CCDC148: variants seen among roughly 807,000 people sequenced by gnomAD.
CCDC148 encodes coiled-coil domain containing 148, also known as coiled-coil domain-containing protein 148.
A neutral mutation model predicts 85.7 loss-of-function variants in CCDC148; 89 were observed. The ratio of observed to expected loss-of-function variants is 1.04; its 90% CI spans 0.87 to 1.24. CCDC148 has a LOEUF of 1.24. Ranked by LOEUF, CCDC148 falls within the 50% of genes most tolerant of loss-of-function variation. The probability of loss-of-function intolerance (pLI) is 0.00; values close to 1 mark genes in which losing one functional copy is unlikely to be tolerated. For missense variants in CCDC148, 692 were observed against 671.7 expected (o/e 1.03, Z -0.33); for synonymous variants, 230 against 213.9 (o/e 1.08, Z -0.66).
intron 11 of CCDC148, among the ~76,000 whole-genome samples, chr2:158,183,970 G>A (rs1157412436): frequency 6.6e-6 from 1 of 152,102 alleles, no homozygotes; most frequent in Non-Finnish European, 1.5e-5. Context: ...AAGCAGGCAG[G>A]CCAGGTGCCA....
At chr2:158,400,848 A>G (rs1307973883) in intron 1 of CCDC148, among the ~76,000 whole-genome samples, 3 of 152,218 alleles carry the variant, frequency 2.0e-5, no homozygotes, top group Non-Finnish European at 4.4e-5. Context: ...CAAAGAACTT[A>G]AACAAATTTA....
intron 8 of CCDC148, 28 bp downstream of exon 8, chr2:158,313,728 C>G (rs1386682458): frequency 6.3e-7 from 1 of 1,574,836 alleles, no homozygotes; most frequent in Non-Finnish European, 8.6e-7. Flanking sequence ...ATTTAACTTG[C>G]CAGTATGTAG....
chr2:158,418,754 A>AAGC (rs1686629049), intron 1 of CCDC148, among the ~76,000 whole-genome samples: 1 of 152,104 alleles, frequency 6.6e-6, no homozygotes, highest in South Asian at 2.1e-4. Flanking sequence ...ACTAGAATAG[A>AAGC]AGCTCTGTGG....
intron 11 of CCDC148, among the ~76,000 whole-genome samples, chr2:158,217,700 G>C (rs6437147): frequency 0.51 from 76,930 of 151,664 alleles, 23,088 homozygotes; most frequent in East Asian, 0.72. Flanking sequence ...CACCGCACCC[G>C]GTCGAATATT....
In CCDC148 at chr2:158,178,911, T is replaced by G; in HGVS notation, c.1456A>C (p.Arg486=). Residue 486 remains arginine, a synonymous_variant, in exon 12 of 14, where the codon AGA becomes CGA. Transcript: ENST00000283233. The part of the protein sequence containing the change: ...ALQEAHEDKE[R]ARRLEALRKQ... ...CTAAGGGCTTCTAGCCGCCGTGCTC[T>G]CTCTTTGTCTTCATGAGCTTCTTGA... 1 of 1,613,628 alleles carries G rather than the reference T, an allele frequency of 6.2e-7. No homozygotes were observed. The highest frequency in any genetic ancestry group is 8.5e-7 in the Non-Finnish European group (1 of 1,179,722).
chr2:158,201,530 C>T (rs1685963749), intron 11 of CCDC148, among the ~76,000 whole-genome samples: 1 of 152,112 alleles, frequency 6.6e-6, no homozygotes, highest in African/African-American at 2.4e-5. Flanking sequence ...CCACCTCAGC[C>T]TCCTGAGTAG....
At chr2:158,210,600 A>G (rs965141782) in intron 11 of CCDC148, among the ~76,000 whole-genome samples, 3 of 152,002 alleles carry the variant, frequency 2.0e-5, no homozygotes, top group Admixed American at 1.3e-4. Flanking sequence ...AACAGAAATC[A>G]TAACAGTCTC....
intron 1 of CCDC148, among the ~76,000 whole-genome samples, chr2:158,424,532 A>G (rs1376711410): frequency 6.6e-6 from 1 of 152,014 alleles, no homozygotes; most frequent in African/African-American, 2.4e-5. Context: ...ACACTTGGAC[A>G]CAGGGTGGGG....
intron 9 of CCDC148, among the ~76,000 whole-genome samples, chr2:158,289,644 T>G (rs937057553): frequency 1.3e-5 from 2 of 152,230 alleles, no homozygotes; most frequent in Admixed American, 6.5e-5. Flanking sequence ...CAAGTTCTGG[T>G]ACAAGCTTGT....
intron 8 of CCDC148, among the ~76,000 whole-genome samples, chr2:158,310,652 G>C (rs1370132507): frequency 6.6e-6 from 1 of 150,518 alleles, no homozygotes; most frequent in Non-Finnish European, 1.5e-5. Context: ...CGGGGTCGTG[G>C]CCAGGCAGAG....
At chr2:158,279,635 C>G (rs1427577544) in intron 9 of CCDC148, among the ~76,000 whole-genome samples, 1 of 151,968 alleles carries the variant, frequency 6.6e-6, no homozygotes, top group Non-Finnish European at 1.5e-5. Context: ...GTGAAAAGAC[C>G]AAATCTACAT....
intron 1 of CCDC148, among the ~76,000 whole-genome samples, chr2:158,379,081 C>A (rs1194321221): frequency 6.6e-6 from 1 of 152,144 alleles, no homozygotes; most frequent in East Asian, 1.9e-4. Flanking sequence ...AAATTAAAAA[C>A]CTGCTGAAAA....
intron 7 of CCDC148, among the ~76,000 whole-genome samples, chr2:158,331,665 A>G (rs1221422493): frequency 6.6e-6 from 1 of 152,104 alleles, no homozygotes; most frequent in African/African-American, 2.4e-5. Flanking sequence ...GTCACTCAGG[A>G]CTTGCTTTAT....
At chr2:158,366,553 A>T (rs1485678492) in intron 1 of CCDC148, among the ~76,000 whole-genome samples, 2 of 152,196 alleles carry the variant, frequency 1.3e-5, no homozygotes, top group Non-Finnish European at 2.9e-5. Context: ...CCTTCAGGTT[A>T]GGACTCAGCT....
intron 1 of CCDC148, among the ~76,000 whole-genome samples, chr2:158,369,159 T>G (rs902512066): frequency 2.0e-5 from 3 of 152,242 alleles, no homozygotes; most frequent in Non-Finnish European, 4.4e-5. Flanking sequence ...TACGGGCTCT[T>G]TTTTTGTTCC....
chr2:158,249,225 G>A (rs899364375), intron 10 of CCDC148, among the ~76,000 whole-genome samples: 2 of 152,050 alleles, frequency 1.3e-5, no homozygotes, highest in Admixed American at 6.6e-5. Flanking sequence ...AGTTGACACC[G>A]CATGTAAACA....
intron 1 of CCDC148, among the ~76,000 whole-genome samples, chr2:158,413,770 A>G (rs1255887353): frequency 1.3e-5 from 2 of 152,212 alleles, no homozygotes; most frequent in East Asian, 3.8e-4. Flanking sequence ...TTTTTAAAGC[A>G]TGGTTCTAAT....
intron 7 of CCDC148, among the ~76,000 whole-genome samples, chr2:158,314,117 ACAATT>A (rs1250841362): frequency 2.6e-5 from 4 of 152,248 alleles, no homozygotes; most frequent in African/African-American, 4.8e-5. Context: ...AGTATCAGGC[ACAATT>A]CAATTAAGTT....
At chr2:158,371,234 T>TA (rs140066158) in intron 1 of CCDC148, among the ~76,000 whole-genome samples, 27,766 of 151,944 alleles carry the variant, frequency 0.18, 4,252 homozygotes, top group African/African-American at 0.42. Flanking sequence ...TGATTCTTGC[T>TA]AACCTTCTAC....
Sources: allele counts gnomAD v4.1 joint callset (sites outside exome capture counted in the v4.1 genomes callset), GRCh38; gene constraint gnomAD v4.1.1; transcripts MANE v1.5; gene names NCBI Gene and HGNC (gene_info 2026-07-23, HGNC 2026-07-21).